ABL2: variants seen among roughly 807,000 people sequenced by gnomAD.
ABL2 encodes the protein tyrosine-protein kinase ABL2.
In ABL2, 49 loss-of-function variants were observed where a neutral mutation model predicts 107.7. That is an observed-to-expected ratio of 0.45 (90% CI 0.36 to 0.58). ABL2 has a LOEUF of 0.58. ABL2 is among the 20% of genes least tolerant of loss of function. The probability of loss-of-function intolerance (pLI) is 0.00; values close to 1 mark genes in which losing one functional copy is unlikely to be tolerated. For synonymous variants in ABL2, 549 were observed against 548.6 expected (o/e 1.00, Z -0.01); for missense variants, 1,245 against 1,457.0 (o/e 0.85, Z 2.37).
intron 1 of ABL2, among the ~76,000 whole-genome samples, chr1:179,206,993 G>C (rs764548106): frequency 6.6e-6 from 1 of 152,190 alleles, no homozygotes; most frequent in Non-Finnish European, 1.5e-5. Context: ...CTGAAAGAGA[G>C]AGACAGAATA....
chr1:179,157,215 C>T (rs980258169), intron 1 of ABL2, among the ~76,000 whole-genome samples: 4 of 152,046 alleles, frequency 2.6e-5, no homozygotes, highest in African/African-American at 7.2e-5. Flanking sequence ...ATTAGGGATA[C>T]GGTCTGGGCA....
chr1:179,099,672 C>G lies in ABL2; in HGVS notation c.*8046G>C. 1 of 231,330 alleles carries G rather than the reference C, an allele frequency of 4.3e-6. No homozygotes were observed. Among genetic ancestry groups the G allele is most frequent in the Non-Finnish European group, 8.6e-6 (1 of 116,858 alleles). 14.3% of individuals were successfully genotyped at this position (231,330 alleles called of 1,614,324 possible). ...TCACCCTCTGTGCACCACATACACA[C>G]CTGCGGGGCGGGACCTTTGGTATAA... On this transcript the variant is annotated 3_prime_UTR_variant, in exon 12 of 12. Coordinates refer to ENST00000502732, the MANE Select transcript of ABL2 (RefSeq NM_007314.4).
intron 1 of ABL2, among the ~76,000 whole-genome samples, chr1:179,228,029 G>A (rs140811242): frequency 0.011 from 1,350 of 118,654 alleles, 12 homozygotes; most frequent in Non-Finnish European, 0.018. Context: ...CAGCCTGGGC[G>A]ACAGAATGAG....
rs999288192 is a variant in ABL2, at chr1:179,105,214, T to C, written c.*2504A>G. ...CAGCCCCCACCCCCTACCCTTCAGA[T>C]TGTTGTTGGGCAAGAAAACCAGGGA... On this transcript the variant is annotated 3_prime_UTR_variant, in exon 12 of 12. Transcript: ENST00000502732. 1.3e-5 allele frequency: 3 copies of C among 230,816 alleles called. No homozygotes were observed. The highest frequency in any genetic ancestry group is 1.1e-4 in the Admixed American group (2 of 17,692). 14.3% of individuals were successfully genotyped at this position (230,816 alleles called of 1,614,324 possible). A position where few individuals can be genotyped will look rare whatever the true frequency, so the allele number is the denominator to read the frequency against.
chr1:179,112,568 A>G (rs1654195522), intron 9 of ABL2, among the ~76,000 whole-genome samples, 170 bp from the exon 10 acceptor site: 3 of 152,136 alleles, frequency 2.0e-5, no homozygotes, highest in Admixed American at 2.0e-4. Context: ...TCAGAGGTAT[A>G]ATGAACCCAC....
rs560911186 is a variant in ABL2, at chr1:179,104,017, G to C, written c.*3701C>G. On this transcript the variant is annotated 3_prime_UTR_variant, in exon 12 of 12. Transcript: ENST00000502732. ...CCCAGCCCACTGGGAATTCTGATCT[G>C]GAGTGGGGCTATTCCGTCAGTTTTT... 7 of 233,548 alleles carry C rather than the reference G, an allele frequency of 3.0e-5. No homozygotes were observed. In the South Asian group the frequency reaches 1.1e-3, roughly 36 times the overall value. The allele number at this position is 233,548 out of a possible 1,614,324, so 14.5% of individuals were successfully genotyped here.
At chr1:179,165,285 TG>T (rs1659312665) in intron 1 of ABL2, among the ~76,000 whole-genome samples, 1 of 152,240 alleles carries the variant, frequency 6.6e-6, no homozygotes, top group South Asian at 2.1e-4. Flanking sequence ...ATGAGATCTG[TG>T]TCCCCATGTA....
At chr1:179,226,043 CAAAA>C (rs1194438803) in intron 1 of ABL2, among the ~76,000 whole-genome samples, 11 of 45,686 alleles carry the variant, frequency 2.4e-4, no homozygotes, top group African/African-American at 8.1e-4. Flanking sequence ...GACTCCGCCT[CAAAA>C]AAAAAAAAAA....
intron 1 of ABL2, among the ~76,000 whole-genome samples, chr1:179,167,058 T>A (rs1422781273): frequency 2.6e-5 from 4 of 152,162 alleles, no homozygotes; most frequent in Non-Finnish European, 5.9e-5. Flanking sequence ...TAGGTATTAA[T>A]CCAAAGGAAA....
At position 179,104,506 on chromosome 1, in the gene ABL2, A is replaced by G. The variant is rs1446183941; in HGVS notation, c.*3212T>C. The G allele has an allele frequency of 9.5e-6, 2 of 211,126 alleles. No individual in the cohort carries two copies. Among genetic ancestry groups the G allele is most frequent in the African/African-American group, 4.5e-5 (2 of 44,180 alleles). The allele number at this position is 211,126 out of a possible 1,614,324, so 13.1% of individuals were successfully genotyped here. A position where few individuals can be genotyped will look rare whatever the true frequency, so the allele number is the denominator to read the frequency against. On this transcript the variant is annotated 3_prime_UTR_variant, in exon 12 of 12. Coordinates refer to ENST00000502732, the MANE Select transcript of ABL2 (RefSeq NM_007314.4). ...ATGCTGCTGGTAAAGGGTCTCCACTATAATGACCTCTATGTACAGAGGTCA... is the reference window on the plus strand; with the variant it reads ...ATGCTGCTGGTAAAGGGTCTCCACTGTAATGACCTCTATGTACAGAGGTCA...
rs1349623531 is a variant in ABL2 at position 179,131,453 on chromosome 1, A to G, written c.249T>C (p.Asp83=). ...PEALHRPYGC[D]VEPQALNEAI... ...CCTCATTTAGTGCCTGGGGTTCAAC[A>G]TCACAACCATAGGGACGATGCAAAG... is the stretch of plus-strand genomic sequence containing the variant. The change falls in exon 3 of 12, where the codon GAT becomes GAC. Residue 83 remains aspartate (D), a synonymous_variant. Transcript: ENST00000502732. The G allele has an allele frequency of 3.7e-6, 6 of 1,614,128 alleles. No homozygotes were observed. The highest frequency in any genetic ancestry group is 5.1e-6 in the Non-Finnish European group (6 of 1,179,958).
chr1:179,215,723 A>G (rs1662527367), intron 1 of ABL2, among the ~76,000 whole-genome samples: 1 of 152,142 alleles, frequency 6.6e-6, no homozygotes, highest in Admixed American at 6.5e-5. Context: ...AAAAGTGCCA[A>G]TTTCAAAATG....
chr1:179,142,216 G>T (rs752572970), intron 1 of ABL2, among the ~76,000 whole-genome samples: 6 of 152,190 alleles, frequency 3.9e-5, no homozygotes, highest in African/African-American at 7.2e-5. Flanking sequence ...GATAAGAGAA[G>T]ACTGATTTTC....
At chr1:179,135,314 C>A (rs571010355) in intron 1 of ABL2, among the ~76,000 whole-genome samples, 6 of 146,978 alleles carry the variant, frequency 4.1e-5, no homozygotes, top group Admixed American at 4.0e-4. Flanking sequence ...GCCATCACAT[C>A]TGGGAAGTGA....
chr1:179,123,034 C>A (rs578044773), intron 4 of ABL2, among the ~76,000 whole-genome samples: 1 of 152,130 alleles, frequency 6.6e-6, no homozygotes, highest in African/African-American at 2.4e-5. Flanking sequence ...ATACCCTGAT[C>A]AAAGTAGGCA....
Position 179,229,420 on chromosome 1 carries a change from G to GC in ABL2, c.-24dup. ...CATCCCTGCTCTCGCGTACTCCCGC[G>GC]CCCCCGCCGACCCCTGGTCACATTC... is the stretch of plus-strand genomic sequence containing the variant. On this transcript the variant is annotated 5_prime_UTR_variant, in exon 1 of 12. Transcript: ENST00000502732. The GC allele has an allele frequency of 6.7e-7, 1 of 1,481,716 alleles. No homozygotes were observed. Among genetic ancestry groups the GC allele is most frequent in the Non-Finnish European group, 8.9e-7 (1 of 1,127,520 alleles). 91.8% of individuals were successfully genotyped at this position (1,481,716 alleles called of 1,614,324 possible). A position where few individuals can be genotyped will look rare whatever the true frequency, so the allele number is the denominator to read the frequency against.
At chr1:179,209,148 C>T (rs926448970) in intron 1 of ABL2, among the ~76,000 whole-genome samples, 4 of 152,128 alleles carry the variant, frequency 2.6e-5, no homozygotes, top group Non-Finnish European at 4.4e-5. Flanking sequence ...TGAAGCAGAC[C>T]ATAGAAGAAT....
At position 179,118,860 on chromosome 1, in the gene ABL2, G is replaced by C. The variant is rs1654907638; in HGVS notation, c.1046-96C>G. On this transcript the variant is annotated intron_variant, in intron 6 of 11. Transcript: ENST00000502732. ...ATAATTTGACAATTTTTCAGGTCTA[G>C]TTCGGCAATAATCTTTTCCCTTCTT... 5.3e-6 allele frequency: 7 copies of C among 1,323,254 alleles called. No individual in the cohort carries two copies. The South Asian group carries it at 9.4e-5, about 18-fold the overall frequency. The allele number at this position is 1,323,254 out of a possible 1,614,324, so 82.0% of individuals were successfully genotyped here. A position where few individuals can be genotyped will look rare whatever the true frequency, so the allele number is the denominator to read the frequency against.
At chr1:179,179,391 C>T (rs975251761) in intron 1 of ABL2, among the ~76,000 whole-genome samples, 8 of 151,386 alleles carry the variant, frequency 5.3e-5, no homozygotes, top group African/African-American at 1.9e-4. Context: ...ATTTAAAAGC[C>T]GAGATATTCA....
Sources: allele counts gnomAD v4.1 joint callset (sites outside exome capture counted in the v4.1 genomes callset), GRCh38; gene constraint gnomAD v4.1.1; transcripts MANE v1.5; gene names NCBI Gene and HGNC (gene_info 2026-07-23, HGNC 2026-07-21).